The following PPARGC1B variants were observed in gnomAD, a reference collection of about 807,000 sequenced individuals.
PPARGC1B encodes PPARG coactivator 1 beta.
In PPARGC1B, 34 loss-of-function variants were observed where a neutral mutation model predicts 101.6. That is an observed-to-expected ratio of 0.33 (90% CI 0.25 to 0.45). PPARGC1B has a LOEUF of 0.45. Among genes scored for constraint, PPARGC1B ranks in the 20% least tolerant of loss-of-function variants. The pLI, the probability that PPARGC1B is intolerant of heterozygous loss-of-function variation, is 1.00. For synonymous variants in PPARGC1B, 548 were observed against 539.3 expected, an observed-to-expected ratio of 1.02 and a Z score of -0.22; for missense variants, 1,234 against 1,317.6, an observed-to-expected ratio of 0.94 and a Z score of 0.98.
chr5:149,730,470 G>T lies in PPARGC1B; in HGVS notation c.78+50G>T, dbSNP rs1171845777. The T allele has an allele frequency of 7.0e-7, 1 of 1,434,832 alleles. No homozygotes were observed. The highest frequency in any genetic ancestry group is 2.4e-5 in the Admixed American group (1 of 40,880). 88.9% of individuals were successfully genotyped at this position (1,434,832 alleles called of 1,614,324 possible). Reference sequence around the variant, plus strand: ...CCGGGGCCAGGGGTGCTGAGCTGCGGGGGCCGCAGCTGCAGCCGCGGAGGC... The same window carrying T: ...CCGGGGCCAGGGGTGCTGAGCTGCGTGGGCCGCAGCTGCAGCCGCGGAGGC... On this transcript the variant is annotated intron_variant, in intron 1 of 11. Transcript: ENST00000309241. This position sits in a 1 kb window ranked among gnomAD's most constrained non-coding sequence, Gnocchi z 4.0.
At chr5:149,803,824 C>T (rs1459697786) in intron 1 of PPARGC1B, among the ~76,000 whole-genome samples, 1 of 152,206 alleles carries the variant, frequency 6.6e-6, no homozygotes, top group Non-Finnish European at 1.5e-5. Flanking sequence ...CTCTGGAACG[C>T]ACTTCTACAT....
At chr5:149,774,233 T>C (rs1014937837) in intron 1 of PPARGC1B, among the ~76,000 whole-genome samples, 3 of 152,086 alleles carry the variant, frequency 2.0e-5, no homozygotes, top group African/African-American at 7.2e-5. Context: ...TGTTCCCCCC[T>C]AGTGAGGGGA....
rs540345963 is a variant in PPARGC1B, at chr5:149,779,957, T to C, written c.79-40476T>C. ...ACAAGATCTCTCCTGTTTGCTGGTG[T>C]CATTTTCATTTCCTAATACCCTCTG... is the stretch of plus-strand genomic sequence containing the variant. On this transcript the variant is annotated intron_variant, in intron 1 of 11. Coordinates refer to ENST00000309241, the MANE Select transcript of PPARGC1B (RefSeq NM_133263.4). Among the ~76,000 whole-genome samples, 4 of 152,336 alleles carry C rather than the reference T, an allele frequency of 2.6e-5. No homozygotes were observed. The East Asian group carries it at 7.7e-4, about 29-fold the overall frequency.
At chr5:149,799,743 G>A (rs1757371677) in intron 1 of PPARGC1B, among the ~76,000 whole-genome samples, 1 of 119,912 alleles carries the variant, frequency 8.3e-6, no homozygotes, top group Admixed American at 1.2e-4. Flanking sequence ...TGTCACCCAG[G>A]CTGGAGTGCA....
chr5:149,765,893 A>G (rs867456200), intron 1 of PPARGC1B, among the ~76,000 whole-genome samples: 28 of 152,046 alleles, frequency 1.8e-4, no homozygotes, highest in Middle Eastern at 3.2e-3. Flanking sequence ...TGGAGATAAT[A>G]AAGCCCCAAT....
intron 1 of PPARGC1B, among the ~76,000 whole-genome samples, chr5:149,799,699 T>TG (rs1186023930): frequency 2.3e-5 from 3 of 127,886 alleles, no homozygotes; most frequent in Non-Finnish European, 3.3e-5. Flanking sequence ...TGTTGTTTTT[T>TG]TTTTTTTTTT....
intron 1 of PPARGC1B, among the ~76,000 whole-genome samples, chr5:149,773,602 A>C (rs928577671): frequency 6.6e-6 from 1 of 152,192 alleles, no homozygotes; most frequent in African/African-American, 2.4e-5. Context: ...CAGGAGGAGG[A>C]CAGACAGATG....
intron 1 of PPARGC1B, among the ~76,000 whole-genome samples, chr5:149,736,805 AT>A (rs2113071467): frequency 6.6e-6 from 1 of 152,234 alleles, no homozygotes; most frequent in East Asian, 1.9e-4. Flanking sequence ...TCACAGCAAA[AT>A]TGAAAGGAAG....
At chr5:149,749,362 G>T (rs201864979) in intron 1 of PPARGC1B, among the ~76,000 whole-genome samples, 1 of 152,300 alleles carries the variant, frequency 6.6e-6, no homozygotes, top group South Asian at 2.1e-4. Flanking sequence ...TGACTTACCC[G>T]CTGAGGTCAC....
intron 9 of PPARGC1B, among the ~76,000 whole-genome samples, chr5:149,840,458 T>C (rs1581121687): frequency 6.6e-6 from 1 of 151,730 alleles, no homozygotes; most frequent in African/African-American, 2.4e-5. Context: ...GCTGGCCAGG[T>C]TACAAGTCAG....
At chr5:149,813,415 A>G (rs1044729301) in intron 1 of PPARGC1B, among the ~76,000 whole-genome samples, 3 of 152,214 alleles carry the variant, frequency 2.0e-5, no homozygotes, top group Admixed American at 6.5e-5. Flanking sequence ...GAGAGCCAGC[A>G]TGGTCTGGCT....
chr5:149,832,188 AAT>A lies in PPARGC1B; in HGVS notation c.583-467_583-466del, dbSNP rs1758811277. Among the ~76,000 whole-genome samples, 2 of 152,170 alleles carry A rather than the reference AAT, an allele frequency of 1.3e-5. No individual in the cohort carries two copies. Among genetic ancestry groups the A allele is most frequent in the African/African-American group, 4.8e-5 (2 of 41,432 alleles). The stretch of plus-strand genomic sequence containing the variant: ...GCCGGGTGTGGTGATGCACGCCTGT[AAT>A]CCCAACTACTCGGGAGGCTGAGGCA... On this transcript the variant is annotated intron_variant, in intron 4 of 11. Coordinates refer to ENST00000309241, the MANE Select transcript of PPARGC1B (RefSeq NM_133263.4). The surrounding 1 kb of genome is among the most constrained non-coding windows in gnomAD (Gnocchi z 4.9).
At chr5:149,808,179 G>T (rs1316204270) in intron 1 of PPARGC1B, among the ~76,000 whole-genome samples, 1 of 152,092 alleles carries the variant, frequency 6.6e-6, no homozygotes, top group Non-Finnish European at 1.5e-5. Flanking sequence ...ATCTTGGGTG[G>T]ATATTTTGCA....
intron 1 of PPARGC1B, among the ~76,000 whole-genome samples, chr5:149,748,397 A>G (rs984053295): frequency 2.6e-5 from 4 of 152,104 alleles, no homozygotes; most frequent in Admixed American, 2.6e-4. Flanking sequence ...AGCTTAGTGC[A>G]GTGTGTCTGG....
At chr5:149,799,513 G>A (rs555545445) in intron 1 of PPARGC1B, among the ~76,000 whole-genome samples, 2 of 152,142 alleles carry the variant, frequency 1.3e-5, no homozygotes, top group African/African-American at 2.4e-5. Context: ...CTGGAAGCCC[G>A]AGACACTGAA....
At position 149,820,420 on chromosome 5, in the gene PPARGC1B, C is replaced by G; in HGVS notation, c.79-13C>G. 1 of 1,611,846 alleles carries G rather than the reference C, an allele frequency of 6.2e-7. No individual in the cohort carries two copies. ...TCAGCTCTGATCCACCTCTTTCCTT[C>G]CTGTCTCCTCAGGGTGGAGGGTCCG... On this transcript the variant is annotated splice_polypyrimidine_tract_variant and intron_variant, in intron 1 of 11. Transcript: ENST00000309241.
rs2113472247 is a variant in PPARGC1B, at chr5:149,854,246, A to G, written c.*6688A>G. The G allele has an allele frequency of 6.6e-6, 1 of 152,206 alleles. No individual in the cohort carries two copies. The highest frequency in any genetic ancestry group is 2.4e-5 in the African/African-American group (1 of 41,532). 9.4% of individuals were successfully genotyped at this position (152,206 alleles called of 1,614,324 possible). A position where few individuals can be genotyped will look rare whatever the true frequency, so the allele number is the denominator to read the frequency against. On this transcript the variant is annotated 3_prime_UTR_variant, in exon 12 of 12. Coordinates refer to ENST00000309241, the MANE Select transcript of PPARGC1B (RefSeq NM_133263.4). ...AGGTTTTGTCATCCCCGGGGGTACT[A>G]CTGTAGGGGGCATTATTTATTAGGA...
At chr5:149,748,886 G>A (rs1227132678) in intron 1 of PPARGC1B, among the ~76,000 whole-genome samples, 1 of 152,200 alleles carries the variant, frequency 6.6e-6, no homozygotes, top group African/African-American at 2.4e-5. Flanking sequence ...TCTGCAGAAG[G>A]GGAAAGGCCT....
chr5:149,856,268 T>G (rs561944804), downstream of PPARGC1B, among the ~76,000 whole-genome samples: 38 of 152,324 alleles, frequency 2.5e-4, no homozygotes, highest in Non-Finnish European at 4.9e-4. Flanking sequence ...CTGTAAAGAT[T>G]GTTTGGATTT....
Sources: allele counts gnomAD v4.1 joint callset (sites outside exome capture counted in the v4.1 genomes callset), GRCh38; gene constraint gnomAD v4.1.1; non-coding constraint Gnocchi (gnomAD v3.1); transcripts MANE v1.5; gene names NCBI Gene and HGNC (gene_info 2026-07-23, HGNC 2026-07-21).